The following PTPRD variants were observed in gnomAD, a reference collection of about 807,000 sequenced individuals.
PTPRD encodes the protein protein tyrosine phosphatase receptor type D.
PTPRD carries 34 observed loss-of-function variants against 214.5 expected under a neutral mutation model. The ratio of observed to expected loss-of-function variants is 0.16; its 90% CI spans 0.12 to 0.21. The LOEUF (loss-of-function observed/expected upper bound fraction) is 0.21. PTPRD is among the 10% of genes least tolerant of loss of function. The pLI is 1.00. For missense variants in PTPRD, 2,545 were observed against 2,398.7 expected (o/e 1.06, Z -1.27); for synonymous variants, 1,128 against 845.7 (o/e 1.33, Z -5.79).
chr9:9,790,614 G>C (rs559916291), intron 5 of PTPRD, among the ~76,000 whole-genome samples: 1 of 152,054 alleles, frequency 6.6e-6, no homozygotes, highest in Non-Finnish European at 1.5e-5. Flanking sequence ...TATAAGTTTT[G>C]ATCAATTATT....
chr9:8,707,953 A>G (rs2154401266), intron 12 of PTPRD, among the ~76,000 whole-genome samples: 1 of 152,282 alleles, frequency 6.6e-6, no homozygotes, highest in East Asian at 1.9e-4. Context: ...GTATTGCACT[A>G]TGCTTTTAGG....
intron 7 of PTPRD, among the ~76,000 whole-genome samples, chr9:9,575,379 T>C (rs1194337166): frequency 2.0e-5 from 3 of 152,068 alleles, no homozygotes; most frequent in Non-Finnish European, 2.9e-5. Flanking sequence ...TGTCTTTAAA[T>C]TGTCTTTAAA....
At chr9:9,122,135 G>A (rs1161765106) in intron 10 of PTPRD, among the ~76,000 whole-genome samples, 1 of 152,106 alleles carries the variant, frequency 6.6e-6, no homozygotes, top group Non-Finnish European at 1.5e-5. Flanking sequence ...GACTTCATAT[G>A]TTCCTCAGTG....
At chr9:8,420,491 GTTTA>G in intron 35 of PTPRD, among the ~76,000 whole-genome samples, 1 of 152,264 alleles carries the variant, frequency 6.6e-6, no homozygotes, top group Admixed American at 6.5e-5. Context: ...AAGTTCATCT[GTTTA>G]TTCTCCAGCG....
chr9:9,391,673 A>T (rs1343111741), intron 9 of PTPRD, among the ~76,000 whole-genome samples: 1 of 152,174 alleles, frequency 6.6e-6, no homozygotes, highest in Non-Finnish European at 1.5e-5. Context: ...ATATTAGGGC[A>T]TTATTTCTCT....
intron 10 of PTPRD, among the ~76,000 whole-genome samples, chr9:9,077,485 A>C (rs1369189786): frequency 6.6e-6 from 1 of 152,052 alleles, no homozygotes; most frequent in Non-Finnish European, 1.5e-5. Context: ...TCAATATAAG[A>C]TGTGGTTGGT....
chr9:10,105,228 G>C (rs1489118757), intron 3 of PTPRD, among the ~76,000 whole-genome samples: 3 of 151,666 alleles, frequency 2.0e-5, no homozygotes, highest in Admixed American at 2.0e-4. Context: ...TTAGTCTTGA[G>C]GGATTAAAAT....
At chr9:9,437,865 G>C (rs954965654) in intron 8 of PTPRD, among the ~76,000 whole-genome samples, 2 of 152,186 alleles carry the variant, frequency 1.3e-5, no homozygotes, top group Non-Finnish European at 2.9e-5. Context: ...CTCATTTCAA[G>C]TATTTCTGCT....
intron 11 of PTPRD, among the ~76,000 whole-genome samples, chr9:8,797,393 A>C (rs924757356): frequency 7.9e-5 from 12 of 152,204 alleles, no homozygotes; most frequent in Admixed American, 7.2e-4. Context: ...CAAAGCTATC[A>C]AATAGATTGC....
chr9:10,087,980 T>G (rs1717793853), intron 3 of PTPRD, among the ~76,000 whole-genome samples: 1 of 151,816 alleles, frequency 6.6e-6, no homozygotes, highest in African/African-American at 2.4e-5. Context: ...AAATCAAGCA[T>G]ATTTCATGTA....
At chr9:9,984,544 G>A (rs1588153085) in intron 4 of PTPRD, among the ~76,000 whole-genome samples, 1 of 152,164 alleles carries the variant, frequency 6.6e-6, no homozygotes, top group African/African-American at 2.4e-5. Context: ...ACTGGTAGGT[G>A]GGTGTATGGG....
rs186833083 is a variant in PTPRD at position 9,929,581 on chromosome 9, A to G, written c.-368+8926T>C. Among the ~76,000 whole-genome samples the G allele has an allele frequency of 3.1e-4, 47 of 152,218 alleles. 1 individual carries two copies. In the East Asian group the frequency reaches 7.8e-3, roughly 25 times the overall value. On this transcript the variant is annotated intron_variant, in intron 5 of 45. Transcript: ENST00000381196. ...GCTAACTTTTATATTTTTAGTAGAG[A>G]CAGGGTTTCACCATGTTGGCCAGGA...
intron 6 of PTPRD, among the ~76,000 whole-genome samples, chr9:9,748,585 G>C (rs2098482051): frequency 2.0e-5 from 3 of 152,186 alleles, no homozygotes; most frequent in African/African-American, 7.2e-5. Context: ...ATGAGGAGGA[G>C]TACTGCTGAG....
intron 7 of PTPRD, among the ~76,000 whole-genome samples, chr9:9,695,611 G>A (rs2097359245): frequency 6.6e-6 from 1 of 152,022 alleles, no homozygotes. Flanking sequence ...TTTATTACAA[G>A]TTGGTGTTAA....
intron 12 of PTPRD, among the ~76,000 whole-genome samples, chr9:8,726,889 T>G (rs1212892381): frequency 6.6e-6 from 1 of 150,740 alleles, no homozygotes; most frequent in African/African-American, 2.4e-5. Flanking sequence ...GAGGATGACT[T>G]GAGCCCAGGA....
rs1342816816 is a variant in PTPRD at position 8,807,459 on chromosome 9, C to A, written c.-103-73513G>T. The stretch of plus-strand genomic sequence containing the variant: ...ACTGCACCTACCTACCCAATCAATA[C>A]TAATGAACACTATAATCACTATAAT... On this transcript the variant is annotated intron_variant, in intron 11 of 45. Transcript: ENST00000381196. Among the ~76,000 whole-genome samples the A allele has an allele frequency of 2.0e-5, 3 of 152,166 alleles. No individual in the cohort carries two copies. In the East Asian group the frequency reaches 5.8e-4, roughly 29 times the overall value.
chr9:8,565,183 G>A (rs1005440344), intron 14 of PTPRD, among the ~76,000 whole-genome samples: 4 of 151,498 alleles, frequency 2.6e-5, no homozygotes, highest in Non-Finnish European at 5.9e-5. Context: ...ATGGTCACAG[G>A]AACAGGGAGG....
chr9:10,393,299 G>A (rs1461696537), intron 2 of PTPRD, among the ~76,000 whole-genome samples: 1 of 151,750 alleles, frequency 6.6e-6, no homozygotes, highest in Non-Finnish European at 1.5e-5. Context: ...GTGTGTGTGT[G>A]TGTGTTTGTG....
At chr9:9,675,954 C>T (rs1355642041) in intron 7 of PTPRD, among the ~76,000 whole-genome samples, 5 of 151,928 alleles carry the variant, frequency 3.3e-5, no homozygotes, top group African/African-American at 1.2e-4. Flanking sequence ...AACAATGTTT[C>T]AAAAATGCTA....
Sources: gnomAD v4.1 joint callset for allele counts (sites outside exome capture counted in the v4.1 genomes callset) on GRCh38, gnomAD v4.1.1 for gene constraint, MANE v1.5 for transcripts, NCBI Gene and HGNC (gene_info 2026-07-23, HGNC 2026-07-21) for gene names.